Variants in ARSB observed in about 807,000 individuals in gnomAD.
The protein encoded by ARSB is N-acetylgalactosamine-4-sulfatase.
A neutral mutation model predicts 50.9 loss-of-function variants in ARSB; 41 were observed. That is an observed-to-expected ratio of 0.81 (90% CI 0.63 to 1.04). The LOEUF is 1.04. Ranked by LOEUF, ARSB falls within the 50% of genes least tolerant of loss-of-function variation. The pLI is 0.00. For synonymous variants in ARSB, 269 were observed against 284.8 expected, an observed-to-expected ratio of 0.94 and a Z score of 0.56; for missense variants, 672 against 693.3, an observed-to-expected ratio of 0.97 and a Z score of 0.35.
Position 78,985,070 on chromosome 5 carries a change from A to T in ARSB, c.179T>A (p.Val60Asp). The T allele has an allele frequency of 6.5e-7, 1 of 1,543,466 alleles. No individual in the cohort carries two copies. Among genetic ancestry groups the T allele is most frequent in the Non-Finnish European group, 8.7e-7 (1 of 1,146,950 alleles). ...LLADDLGWND[V>D]GFHGSRIRTP... ...GCGGATGCGGGAGCCGTGGAAGCCG[A>T]CGTCGTTCCAGCCTAGGTCGTCTGC... The change falls in exon 1 of 8, where the codon GTC becomes GAC. Residue 60 changes from valine (V) to aspartate (D), a missense_variant. Physicochemically the swap from Val to Asp is radical, Grantham distance 152. Transcript: ENST00000264914.
At chr5:78,884,697 T>G (rs1747925280) in intron 5 of ARSB, 1 of 152,228 alleles carries the variant, frequency 6.6e-6, no homozygotes, top group African/African-American at 2.4e-5. Flanking sequence ...ATTAGATTTA[T>G]GTACAAGTCT....
At chr5:78,920,152 C>G (rs1329671533) in intron 4 of ARSB, among the ~76,000 whole-genome samples, 6 of 152,184 alleles carry the variant, frequency 3.9e-5, no homozygotes, top group African/African-American at 1.4e-4. Context: ...AGTGTGTTCT[C>G]TGAGAAAAGA....
chr5:78,809,128 A>C (rs184768692), intron 6 of ARSB, among the ~76,000 whole-genome samples: 1 of 152,340 alleles, frequency 6.6e-6, no homozygotes. Context: ...AGCATCTAAC[A>C]AAGAATGTGA....
intron 1 of ARSB, among the ~76,000 whole-genome samples, chr5:78,971,729 A>T (rs142068845): frequency 1.3e-5 from 2 of 152,278 alleles, no homozygotes; most frequent in East Asian, 3.9e-4. Flanking sequence ...CTCCTAAAAG[A>T]ACCACATGGA....
rs1367098016 is a variant in ARSB at position 78,869,735 on chromosome 5, A to C, written c.1142+15849T>G. On this transcript the variant is annotated intron_variant, in intron 5 of 7. Coordinates refer to ENST00000264914, the MANE Select transcript of ARSB (RefSeq NM_000046.5). Reference sequence around the variant, plus strand: ...AGGAAAGATCCAAAATTGACACCCTAACATCACAATTAAAACAACTAGAAA... The same window carrying C: ...AGGAAAGATCCAAAATTGACACCCTCACATCACAATTAAAACAACTAGAAA... 2.3e-3 allele frequency among the ~76,000 whole-genome samples: 343 copies of C among 148,308 alleles called. 4 individuals carry two copies. The highest frequency in any genetic ancestry group is 8.0e-3 in the African/African-American group (323 of 40,558).
intron 5 of ARSB, among the ~76,000 whole-genome samples, chr5:78,863,152 G>A (rs2112108580): frequency 6.6e-6 from 1 of 152,340 alleles, no homozygotes; most frequent in South Asian, 2.1e-4. Context: ...CTTTTACATT[G>A]CTGGTGGGAG....
In ARSB at chr5:78,821,732, A is replaced by C. The variant is rs373245120; in HGVS notation, c.1213+17624T>G. On this transcript the variant is annotated intron_variant, in intron 6 of 7. Transcript: ENST00000264914. Reference sequence around the variant, plus strand: ...CTTATTAGCTCAAGATTTCAATAACACTTTGCCAGCAATGACTTTCCCACT... The same window carrying C: ...CTTATTAGCTCAAGATTTCAATAACCCTTTGCCAGCAATGACTTTCCCACT... 3.9e-5 allele frequency among the ~76,000 whole-genome samples: 6 copies of C among 152,226 alleles called. No individual in the cohort carries two copies. The East Asian group carries it at 9.6e-4, about 24-fold the overall frequency.
chr5:78,886,839 T>C (rs1158686151), intron 4 of ARSB, among the ~76,000 whole-genome samples: 3 of 152,046 alleles, frequency 2.0e-5, no homozygotes, highest in South Asian at 4.1e-4. Flanking sequence ...CTGTATAGAA[T>C]GTTACATATA....
At chr5:78,815,783 GT>G in intron 6 of ARSB, 1 of 1,226,092 alleles carries the variant, frequency 8.2e-7, no homozygotes. Context: ...TTGGGAAAAG[GT>G]AACACAAAGA....
At position 78,977,172 on chromosome 5, in the gene ARSB, G is replaced by A. The variant is rs1003185453; in HGVS notation, c.312+7765C>T. Among the ~76,000 whole-genome samples, 29 of 136,656 alleles carry A rather than the reference G, an allele frequency of 2.1e-4. 1 individual carries two copies. The highest frequency in any genetic ancestry group is 6.5e-4 in the African/African-American group (21 of 32,368). 89.7% of individuals were successfully genotyped at this position (136,656 alleles called of 152,430 possible). The stretch of plus-strand genomic sequence containing the variant: ...CTTTCTTTCCCCACTTCCCCCCCGC[G>A]AGATGGAGTCTTGCTCTGTTGCTCA... On this transcript the variant is annotated intron_variant, in intron 1 of 7. Coordinates refer to ENST00000264914, the MANE Select transcript of ARSB (RefSeq NM_000046.5).
At chr5:78,822,518 A>C (rs1744269908) in intron 6 of ARSB, among the ~76,000 whole-genome samples, 2 of 152,198 alleles carry the variant, frequency 1.3e-5, no homozygotes, top group South Asian at 4.1e-4. Context: ...TTTAGTTGCA[A>C]AAGTAATAGG....
intron 1 of ARSB, among the ~76,000 whole-genome samples, chr5:78,976,043 A>G (rs1752646671): frequency 6.6e-6 from 1 of 152,138 alleles, no homozygotes; most frequent in Admixed American, 6.5e-5. Context: ...TTTTTAAATT[A>G]ATATTTTTAA....
upstream of ARSB, chr5:78,985,457 C>G (rs1232907613): frequency 6.0e-6 from 2 of 334,438 alleles, no homozygotes; most frequent in Non-Finnish European, 1.0e-5. Context: ...CAGAGACGAA[C>G]CCGCGGGCGC....
rs1018278834 is a variant in ARSB, at chr5:78,817,250, T to C, written c.1213+22106A>G. The C allele has an allele frequency of 1.9e-5, 7 of 364,010 alleles. No homozygotes were observed. In the South Asian group the frequency reaches 7.7e-4, roughly 40 times the overall value. 22.5% of individuals were successfully genotyped at this position (364,010 alleles called of 1,614,324 possible). On this transcript the variant is annotated intron_variant, in intron 6 of 7. Transcript: ENST00000264914. Reference sequence around the variant, plus strand: ...CTGCTTCACTCTCTCTGGTTTATGCTTCCCTCCCCAAACCCACACATCCTT... The same window carrying C: ...CTGCTTCACTCTCTCTGGTTTATGCCTCCCTCCCCAAACCCACACATCCTT...
chr5:78,863,817 G>A (rs1162474541), intron 5 of ARSB, among the ~76,000 whole-genome samples: 4 of 151,758 alleles, frequency 2.6e-5, no homozygotes, highest in African/African-American at 9.7e-5. Flanking sequence ...ACTGATTGTT[G>A]TTCCTATCAT....
intron 1 of ARSB, among the ~76,000 whole-genome samples, chr5:78,977,165 C>CTG: frequency 7.0e-6 from 1 of 142,658 alleles, no homozygotes; most frequent in African/African-American, 3.0e-5. Flanking sequence ...CCCCACTTCC[C>CTG]CCCCGCGAGA....
intron 3 of ARSB, among the ~76,000 whole-genome samples, chr5:78,960,231 C>A (rs963941607): frequency 2.0e-5 from 3 of 152,134 alleles, no homozygotes; most frequent in Non-Finnish European, 4.4e-5. Context: ...ATTGGGGGTT[C>A]TTTTCCCTTT....
At chr5:78,970,307 T>C (rs998992461) in intron 1 of ARSB, among the ~76,000 whole-genome samples, 1 of 152,218 alleles carries the variant, frequency 6.6e-6, no homozygotes, top group African/African-American at 2.4e-5. Flanking sequence ...GTAGAAAAGA[T>C]GTACAAAAAA....
intron 6 of ARSB, among the ~76,000 whole-genome samples, chr5:78,796,053 C>T (rs945885984): frequency 6.6e-6 from 1 of 152,196 alleles, no homozygotes; most frequent in Non-Finnish European, 1.5e-5. Flanking sequence ...GTTGATTGAG[C>T]AGTGTAAACC....
Sources: allele counts gnomAD v4.1 joint callset (sites outside exome capture counted in the v4.1 genomes callset), GRCh38; gene constraint gnomAD v4.1.1; transcripts MANE v1.5; gene names NCBI Gene and HGNC (gene_info 2026-07-23, HGNC 2026-07-21).